PHYHD1: variants seen among roughly 807,000 people sequenced by gnomAD.
The protein encoded by PHYHD1 is phytanoyl-CoA dioxygenase domain-containing protein 1.
PHYHD1 carries 42 observed loss-of-function variants against 43.6 expected under a neutral mutation model. The ratio of observed to expected loss-of-function variants is 0.96; its 90% CI spans 0.75 to 1.25. The LOEUF (loss-of-function observed/expected upper bound fraction) is 1.25. PHYHD1 is among the 50% of genes most tolerant of loss of function. The pLI is 0.00. For synonymous variants in PHYHD1, 139 were observed against 143.6 expected (o/e 0.97, Z 0.23); for missense variants, 342 against 370.8 (o/e 0.92, Z 0.64).
intron 4 of PHYHD1, among the ~76,000 whole-genome samples, chr9:128,930,588 C>T (rs1356723977): frequency 1.2e-4 from 18 of 149,450 alleles, no homozygotes; most frequent in African/African-American, 2.5e-4. Flanking sequence ...GCCAAGATCG[C>T]GCTAATGCAC....
At chr9:128,937,816 G>A (rs1227304924) in intron 9 of PHYHD1, 38 bp downstream of exon 9, 5 of 1,613,976 alleles carry the variant, frequency 3.1e-6, no homozygotes, top group Non-Finnish European at 4.2e-6. Flanking sequence ...AAGGCCATGG[G>A]TGGGACATCT....
chr9:128,934,200 C>T, intron 6 of PHYHD1, 142 bp downstream of exon 6: 1 of 855,770 alleles, frequency 1.2e-6, no homozygotes, highest in South Asian at 1.7e-5. Context: ...CCAGTCTGGC[C>T]AACATGGTGA....
chr9:128,927,191 G>A lies in PHYHD1; in HGVS notation c.187G>A (p.Ala63Thr), dbSNP rs765609825. 2 of 1,613,918 alleles carry A rather than the reference G, an allele frequency of 1.2e-6. No individual in the cohort carries two copies. The highest frequency in any genetic ancestry group is 2.2e-5 in the South Asian group (2 of 91,072). ...CACCCAGGAAGAGGAGCAGCTTCGA[G>A]CCCAGGTAGGTGTCTGGGGCACATG... ...FSTQEEEQLR[A>T]QGSTDYFLSS... Residue 63 changes from alanine (A) to threonine (T), a missense_variant, in exon 4 of 13, where the codon GCC becomes ACC. Transcript: ENST00000372592.
chr9:128,926,726 C>T, intron 3 of PHYHD1: 1 of 389,256 alleles, frequency 2.6e-6, no homozygotes, highest in Non-Finnish European at 5.1e-6. Flanking sequence ...GCCCAGCTAA[C>T]CATGCCCTGG....
Position 128,927,057 on chromosome 9 carries a change from TG to T in PHYHD1, c.55del (p.Val19CysfsTer21), listed in dbSNP as rs755131640. ...QLQKFQQDGF[L>X]VLEGFLSAEE... ...CTGCAGTTCCAACAGGATGGATTCCTGGTGCTGGAAGGATTCTTGTCTGCGG... is the reference window on the plus strand; with the variant it reads ...CTGCAGTTCCAACAGGATGGATTCCTGTGCTGGAAGGATTCTTGTCTGCGG... On this transcript the variant is annotated frameshift_variant, in exon 4 of 13. Transcript: ENST00000372592. LOFTEE classifies it high-confidence loss of function. The T allele has an allele frequency of 1.9e-6, 3 of 1,614,058 alleles. No homozygotes were observed. Among genetic ancestry groups the T allele is most frequent in the African/African-American group, 2.7e-5 (2 of 74,932 alleles).
At chr9:128,938,429 G>GA (rs1554826171) in intron 9 of PHYHD1, among the ~76,000 whole-genome samples, 5 of 151,192 alleles carry the variant, frequency 3.3e-5, no homozygotes, top group African/African-American at 1.2e-4. Context: ...TGTTTTTTGG[G>GA]TTTTTTTTTG....
Position 128,941,991 on chromosome 9 carries a change from C to G in PHYHD1, c.*278C>G. 1.8e-6 allele frequency: 1 copy of G among 544,240 alleles called. No individual in the cohort carries two copies. Among genetic ancestry groups the G allele is most frequent in the Non-Finnish European group, 3.3e-6 (1 of 304,952 alleles). The allele number at this position is 544,240 out of a possible 1,614,324, so 33.7% of individuals were successfully genotyped here. On this transcript the variant is annotated 3_prime_UTR_variant, in exon 13 of 13. Coordinates refer to ENST00000372592, the MANE Select transcript of PHYHD1 (RefSeq NM_001100876.2). Reference sequence around the variant, plus strand: ...CTCTCCTCTCCTCTCAGATGGAACTCTGGTTATTATGGTGTTAGTTATCGA... The same window carrying G: ...CTCTCCTCTCCTCTCAGATGGAACTGTGGTTATTATGGTGTTAGTTATCGA...
rs558037046 is a variant in PHYHD1, at chr9:128,930,721, G to A, written c.193-3061G>A. Among the ~76,000 whole-genome samples the A allele has an allele frequency of 8.5e-5, 13 of 152,122 alleles. No individual in the cohort carries two copies. The East Asian group carries it at 1.2e-3, about 14-fold the overall frequency. ...CCCCAGCACTTTGGGAGGCCGAGGC[G>A]GGGGGATCACAAGGTCAGGAGATCG... On this transcript the variant is annotated intron_variant, in intron 4 of 12. Transcript: ENST00000372592.
intron 4 of PHYHD1, among the ~76,000 whole-genome samples, chr9:128,933,181 G>C (rs1170296428): frequency 7.9e-6 from 1 of 126,352 alleles, no homozygotes; most frequent in African/African-American, 3.0e-5. Flanking sequence ...TTGAGACAGA[G>C]TCTCACTCTG....
rs1841572457 is a variant in PHYHD1, at chr9:128,941,844, G to A, written c.*131G>A. On this transcript the variant is annotated 3_prime_UTR_variant, in exon 13 of 13. Transcript: ENST00000372592. The stretch of plus-strand genomic sequence containing the variant: ...CCCTCCTGGGCTTTCCTCCTGCCCT[G>A]TGGGCAGCAGCCTAGGCTGGGTCAG... The A allele has an allele frequency of 7.9e-7, 1 of 1,270,148 alleles. No individual in the cohort carries two copies. Among genetic ancestry groups the A allele is most frequent in the Non-Finnish European group, 1.1e-6 (1 of 898,706 alleles). The allele number at this position is 1,270,148 out of a possible 1,614,324, so 78.7% of individuals were successfully genotyped here.
chr9:128,936,841 G>C (rs1160944317), intron 8 of PHYHD1, among the ~76,000 whole-genome samples, 196 bp downstream of exon 8: 2 of 152,134 alleles, frequency 1.3e-5, no homozygotes, highest in East Asian at 3.9e-4. Flanking sequence ...GGGGCCGGGC[G>C]TGGTGGCTCA....
intron 9 of PHYHD1, 167 bp downstream of exon 9, chr9:128,937,945 G>C: frequency 3.3e-6 from 5 of 1,506,592 alleles, no homozygotes; most frequent in Non-Finnish European, 4.4e-6. Context: ...TAGTGGATTG[G>C]TAGGGAAACC....
intron 4 of PHYHD1, 137 bp downstream of exon 4, chr9:128,927,333 C>T (rs1424676250): frequency 1.0e-6 from 1 of 996,898 alleles, no homozygotes; most frequent in Non-Finnish European, 1.5e-6. Context: ...CTTTCCCTCG[C>T]TCCTCACTGG....
chr9:128,931,168 G>A (rs894171862), intron 4 of PHYHD1, among the ~76,000 whole-genome samples: 9 of 152,196 alleles, frequency 5.9e-5, no homozygotes, highest in Non-Finnish European at 7.4e-5. Flanking sequence ...CTGGAGTGCA[G>A]TGGCGTGATC....
At position 128,940,459 on chromosome 9, in the gene PHYHD1, A is replaced by C; in HGVS notation, c.548A>C (p.Glu183Ala). 1 of 1,614,162 alleles carries C rather than the reference A, an allele frequency of 6.2e-7. No homozygotes were observed. The highest frequency in any genetic ancestry group is 8.5e-7 in the Non-Finnish European group (1 of 1,180,028). ...ATCGCAGTGGAGGATGCCACGCTGG[A>C]GAACGGCTGTCTCTGGTTCATCCCT... ...VWIAVEDATLENGCLWFIPGS... is the reference protein window; with the variant it reads ...VWIAVEDATLANGCLWFIPGS... Residue 183 changes from glutamate to alanine, a missense_variant, in exon 10 of 13, where the codon GAG becomes GCG. Physicochemically the swap from Glu to Ala is moderately radical, Grantham distance 107. Coordinates refer to ENST00000372592, the MANE Select transcript of PHYHD1 (RefSeq NM_001100876.2).
chr9:128,926,816 T>G, intron 3 of PHYHD1: 5 of 637,872 alleles, frequency 7.8e-6, no homozygotes, highest in South Asian at 1.5e-5. Flanking sequence ...AGTGCTGGGA[T>G]TAGAGGCATG....
In PHYHD1 at chr9:128,933,844, T is replaced by C. The variant is rs1321106483; in HGVS notation, c.255T>C (p.Val85=). ...DKIRFFFEKG[V]FDEKGNFLVP... ...TTCGATTCTTCTTTGAGAAAGGCGT[T>C]TTTGATGAGAAAGGTTTGGAGCTGG... is the stretch of plus-strand genomic sequence containing the variant. The change falls in exon 5 of 13, where the codon GTT becomes GTC. Residue 85 remains valine, a synonymous_variant. Coordinates refer to ENST00000372592, the MANE Select transcript of PHYHD1 (RefSeq NM_001100876.2). 1.2e-6 allele frequency: 2 copies of C among 1,614,042 alleles called. No homozygotes were observed. Among genetic ancestry groups the C allele is most frequent in the Non-Finnish European group, 1.7e-6 (2 of 1,179,948 alleles).
chr9:128,927,623 A>T (rs1289170744), intron 4 of PHYHD1, among the ~76,000 whole-genome samples: 1 of 152,174 alleles, frequency 6.6e-6, no homozygotes, highest in Non-Finnish European at 1.5e-5. Context: ...GTGATCCACC[A>T]GCCTCAGTCT....
intron 3 of PHYHD1, among the ~76,000 whole-genome samples, chr9:128,924,026 G>A (rs150634684): frequency 6.6e-6 from 1 of 152,162 alleles, no homozygotes. Context: ...GGCTGAGGCT[G>A]GAGAATCACT....
Sources: allele counts gnomAD v4.1 joint callset (sites outside exome capture counted in the v4.1 genomes callset), GRCh38; gene constraint gnomAD v4.1.1; transcripts MANE v1.5; gene names NCBI Gene and HGNC (gene_info 2026-07-23, HGNC 2026-07-21).